The following ME3 variants were observed in gnomAD, a reference collection of about 807,000 sequenced individuals.
The protein encoded by ME3 is malic enzyme 3, also known as NADP-dependent malic enzyme, mitochondrial.
Under a neutral mutation model 68.9 loss-of-function variants are expected in ME3, and 48 were observed. The ratio of observed to expected loss-of-function variants is 0.70; its 90% confidence interval spans 0.55 to 0.89. The LOEUF (loss-of-function observed/expected upper bound fraction) is 0.89. ME3 is among the 40% of genes least tolerant of loss of function. The pLI is 0.00. For missense variants in ME3, 675 were observed against 797.4 expected (o/e 0.85, Z 1.85); for synonymous variants, 320 against 318.8 (o/e 1.00, Z -0.04).
At chr11:86,460,387 G>T (rs974077493) in intron 8 of ME3, among the ~76,000 whole-genome samples, 1 of 152,226 alleles carries the variant, frequency 6.6e-6, no homozygotes, top group Non-Finnish European at 1.5e-5. Context: ...GGGACTGGTT[G>T]GGAGACAGTC....
intron 3 of ME3, among the ~76,000 whole-genome samples, chr11:86,557,493 G>C (rs1166966789): frequency 6.6e-6 from 1 of 152,130 alleles, no homozygotes; most frequent in Non-Finnish European, 1.5e-5. Flanking sequence ...TTTTCTAACA[G>C]GGGTAAAAAA....
chr11:86,455,215 G>A (rs1440497037), intron 8 of ME3, among the ~76,000 whole-genome samples: 1 of 133,446 alleles, frequency 7.5e-6, no homozygotes, highest in African/African-American at 2.7e-5. Flanking sequence ...CAGGCACCAT[G>A]CTAGGCACTG....
intron 2 of ME3, among the ~76,000 whole-genome samples, chr11:86,595,850 G>A (rs949896715): frequency 4.6e-5 from 7 of 152,202 alleles, no homozygotes; most frequent in Non-Finnish European, 1.0e-4. Flanking sequence ...GCTGTTATGG[G>A]GAAAGAAGTT....
downstream of ME3, among the ~76,000 whole-genome samples, chr11:86,439,452 G>C (rs963745403): frequency 2.0e-5 from 3 of 152,110 alleles, no homozygotes; most frequent in African/African-American, 7.2e-5. Flanking sequence ...TATTAATTCT[G>C]TTACTCTATA....
At chr11:86,508,906 C>G in intron 4 of ME3, 39 bp from the exon 5 acceptor site, 1 of 1,540,702 alleles carries the variant, frequency 6.5e-7, no homozygotes, top group Non-Finnish European at 9.0e-7. Context: ...AGAAACCAGG[C>G]AGTCAGATTA....
chr11:86,651,769 A>C (rs182347476), intron 2 of ME3, among the ~76,000 whole-genome samples: 14 of 152,358 alleles, frequency 9.2e-5, no homozygotes, highest in African/African-American at 3.4e-4. Context: ...AGATGAGAGG[A>C]GAAGGCTTCA....
chr11:86,496,029 C>T (rs1352946528), intron 6 of ME3, among the ~76,000 whole-genome samples: 1 of 152,190 alleles, frequency 6.6e-6, no homozygotes, highest in Non-Finnish European at 1.5e-5. Context: ...GCCCACCGTT[C>T]CATCATTTGA....
intron 7 of ME3, among the ~76,000 whole-genome samples, chr11:86,484,239 G>A (rs1951568877): frequency 6.8e-6 from 1 of 146,472 alleles, no homozygotes; most frequent in South Asian, 2.1e-4. Context: ...CAGAGATGAG[G>A]ATGTTGAAAG....
At chr11:86,650,887 T>C (rs1265344894) in intron 2 of ME3, among the ~76,000 whole-genome samples, 2 of 152,140 alleles carry the variant, frequency 1.3e-5, no homozygotes, top group African/African-American at 2.4e-5. Context: ...AATCAGGTCA[T>C]TCCCACCCTA....
chr11:86,479,687 T>G (rs1951279970), intron 7 of ME3, among the ~76,000 whole-genome samples: 2 of 152,224 alleles, frequency 1.3e-5, no homozygotes, highest in Admixed American at 1.3e-4. Flanking sequence ...TCCCTTTCTC[T>G]GAATTTCCAT....
intron 2 of ME3, among the ~76,000 whole-genome samples, chr11:86,615,646 C>T (rs1942905085): frequency 6.6e-6 from 1 of 152,130 alleles, no homozygotes; most frequent in Non-Finnish European, 1.5e-5. Flanking sequence ...ACTATTTACC[C>T]CATACACATG....
intron 4 of ME3, among the ~76,000 whole-genome samples, chr11:86,544,296 A>T (rs1412687305): frequency 6.6e-6 from 1 of 152,204 alleles, no homozygotes; most frequent in African/African-American, 2.4e-5. Flanking sequence ...ACAAGAAATA[A>T]CTAAGATCAG....
chr11:86,632,738 G>C (rs1944096066), intron 2 of ME3, among the ~76,000 whole-genome samples: 1 of 152,296 alleles, frequency 6.6e-6, no homozygotes, highest in East Asian at 1.9e-4. Context: ...AGAGACCTTG[G>C]GTGGGCCCAG....
At chr11:86,490,721 G>C (rs770840469) in intron 6 of ME3, among the ~76,000 whole-genome samples, 1 of 152,178 alleles carries the variant, frequency 6.6e-6, no homozygotes, top group East Asian at 1.9e-4. Flanking sequence ...GTTACTCTTG[G>C]CATTGGCAGA....
intron 2 of ME3, among the ~76,000 whole-genome samples, chr11:86,646,070 G>A (rs1400205249): frequency 6.6e-6 from 1 of 152,148 alleles, no homozygotes; most frequent in East Asian, 1.9e-4. Flanking sequence ...AAAGACCAAA[G>A]GTAGACAAAT....
At chr11:86,527,157 G>C (rs1954822810) in intron 4 of ME3, among the ~76,000 whole-genome samples, 1 of 152,184 alleles carries the variant, frequency 6.6e-6, no homozygotes, top group African/African-American at 2.4e-5. Flanking sequence ...AACCAATGCA[G>C]AGAAATCCTT....
chr11:86,523,844 C>T (rs1018618493), intron 4 of ME3, among the ~76,000 whole-genome samples: 3 of 152,104 alleles, frequency 2.0e-5, no homozygotes, highest in East Asian at 1.9e-4. Context: ...GAAATTGACA[C>T]CTCTGTCCAA....
At chr11:86,586,630 G>T (rs1170310340) in intron 2 of ME3, among the ~76,000 whole-genome samples, 2 of 152,192 alleles carry the variant, frequency 1.3e-5, no homozygotes, top group African/African-American at 4.8e-5. Flanking sequence ...TGACAGTGAT[G>T]AAAAGGACAA....
At chr11:86,593,801 C>T (rs1321757130) in intron 2 of ME3, among the ~76,000 whole-genome samples, 3 of 145,908 alleles carry the variant, frequency 2.1e-5, no homozygotes. Flanking sequence ...AGCATTTTCC[C>T]ACATACTAAA....
Sources: allele counts gnomAD v4.1 joint callset (sites outside exome capture counted in the v4.1 genomes callset), GRCh38; gene constraint gnomAD v4.1.1; transcripts MANE v1.5; gene names NCBI Gene and HGNC (gene_info 2026-07-23, HGNC 2026-07-21).